Variants in SCAMP3 observed in about 807,000 individuals in gnomAD.
SCAMP3 encodes secretory carrier-associated membrane protein 3.
Under a neutral mutation model 44.1 loss-of-function variants are expected in SCAMP3, and 30 were observed. The ratio of observed to expected loss-of-function variants is 0.68; its 90% CI spans 0.51 to 0.92. SCAMP3 has a LOEUF of 0.92. Among genes scored for constraint, SCAMP3 ranks in the 40% least tolerant of loss-of-function variants. The pLI is 0.00. For missense variants in SCAMP3, 394 were observed against 440.0 expected (o/e 0.90, Z 0.93); for synonymous variants, 168 against 171.1 (o/e 0.98, Z 0.14).
rs766786403 is a variant in SCAMP3 at position 155,257,536 on chromosome 1, G to A, written c.639C>T (p.Ser213=). 86 of 1,612,156 alleles carry A rather than the reference G, an allele frequency of 5.3e-5. No individual in the cohort carries two copies. Among genetic ancestry groups the A allele is most frequent in the Non-Finnish European group, 7.0e-5 (83 of 1,179,060 alleles). Residue 213 remains serine, a synonymous_variant, in exon 6 of 9, where the codon TCC becomes TCT. Coordinates refer to ENST00000302631, the MANE Select transcript of SCAMP3 (RefSeq NM_005698.4). ...ACATGGGGCGGTACCAGCAGACAAAGGAGCAGGGAGTGAAAAGGAGGACCC... is the reference window on the plus strand; with the variant it reads ...ACATGGGGCGGTACCAGCAGACAAAAGAGCAGGGAGTGAAAAGGAGGACCC... ...ILWVLLFTPC[S]FVCWYRPMYK...
exon 1 of SCAMP3, chr1:155,262,339 GTCCAAAAGCTAAGACGAAAGTGCCCCCA>G (rs1009679932): frequency 3.6e-5 from 21 of 590,876 alleles, no homozygotes; most frequent in Middle Eastern, 4.5e-4. Context: ...CCTGCGTCTT[GTCCAAAAGCTAAGACGAAAGTGCCCCCA>G]CGTGATACCT....
rs1468494198 is a variant in SCAMP3 at position 155,260,531 on chromosome 1, C to T, written c.267+6G>A. 3 of 1,614,096 alleles carry T rather than the reference C, an allele frequency of 1.9e-6. No individual in the cohort carries two copies. Among genetic ancestry groups the T allele is most frequent in the East Asian group, 4.5e-5 (2 of 44,900 alleles). ...TCCCCAGCCCTCACCTGCACACCTCCTGTACCTGAGTGCTGTATGAGCCAT... is the reference window on the plus strand; with the variant it reads ...TCCCCAGCCCTCACCTGCACACCTCTTGTACCTGAGTGCTGTATGAGCCAT... On this transcript the variant is annotated splice_donor_region_variant and intron_variant, in intron 3 of 8. Coordinates refer to ENST00000302631, the MANE Select transcript of SCAMP3 (RefSeq NM_005698.4).
At chr1:155,261,986 A>G in intron 1 of SCAMP3, 100 bp downstream of exon 1, 1 of 1,259,404 alleles carries the variant, frequency 7.9e-7, no homozygotes, top group Admixed American at 1.9e-5. Flanking sequence ...GGCTCTTCCC[A>G]GGATCAAATG....
rs1672988738 is a variant in SCAMP3, at chr1:155,262,252, G to T, written c.-101C>A. 5.6e-6 allele frequency: 6 copies of T among 1,067,984 alleles called. No individual in the cohort carries two copies. Among genetic ancestry groups the T allele is most frequent in the African/African-American group, 1.6e-5 (1 of 63,832 alleles). 66.2% of individuals were successfully genotyped at this position (1,067,984 alleles called of 1,614,324 possible). The stretch of plus-strand genomic sequence containing the variant: ...GAGTCCACTTCACTCGCCTCAGTTC[G>T]CCCCGCTTCTCTGTGCACGGATTGG... On this transcript the variant is annotated 5_prime_UTR_variant, in exon 1 of 9. Coordinates refer to ENST00000302631, the MANE Select transcript of SCAMP3 (RefSeq NM_005698.4).
chr1:155,261,653 T>C lies in SCAMP3; in HGVS notation c.144+4A>G. 6.2e-7 allele frequency: 1 copy of C among 1,613,628 alleles called. No individual in the cohort carries two copies. The highest frequency in any genetic ancestry group is 1.1e-5 in the South Asian group (1 of 91,070). On this transcript the variant is annotated splice_donor_region_variant and intron_variant, in intron 2 of 8. Coordinates refer to ENST00000302631, the MANE Select transcript of SCAMP3 (RefSeq NM_005698.4). ...TTGAACTCCTATGCTCTCCAGTAGC[T>C]CACCTCCCGGGTCTCAAAAGGGTTG... is the stretch of plus-strand genomic sequence containing the variant.
Position 155,256,683 on chromosome 1 carries a change from C to T in SCAMP3, c.888G>A (p.Met296Ile). The T allele has an allele frequency of 1.2e-6, 2 of 1,613,980 alleles. No homozygotes were observed. Among genetic ancestry groups the T allele is most frequent in the Non-Finnish European group, 8.5e-7 (1 of 1,179,804 alleles). Residue 296 changes from methionine to isoleucine, a missense_variant, in exon 8 of 9, where the codon ATG (methionine) becomes ATA (isoleucine). Physicochemically the swap from Met to Ile is conservative, Grantham distance 10. Transcript: ENST00000302631. The stretch of plus-strand genomic sequence containing the variant: ...TCGACACAGCCCTCACCCGTTTCAG[C>T]ATGACAATTCCTAGCACAGCAATGC... ...FTGIAVLGIV[M>I]LKRIHSLYRR...
Position 155,256,204 on chromosome 1 carries a change from C to T in SCAMP3, c.*69G>A. ...CAGTTAGTGATGTCTCTCCAAGTCCCAGAGACCTTAGGGACGGGAGCTAAG... is the reference window on the plus strand; with the variant it reads ...CAGTTAGTGATGTCTCTCCAAGTCCTAGAGACCTTAGGGACGGGAGCTAAG... On this transcript the variant is annotated 3_prime_UTR_variant, in exon 9 of 9. Coordinates refer to ENST00000302631, the MANE Select transcript of SCAMP3 (RefSeq NM_005698.4). 7 of 1,460,024 alleles carry T rather than the reference C, an allele frequency of 4.8e-6. No individual in the cohort carries two copies. The highest frequency in any genetic ancestry group is 6.4e-6 in the Non-Finnish European group (7 of 1,087,218). 90.4% of individuals were successfully genotyped at this position (1,460,024 alleles called of 1,614,324 possible).
intron 5 of SCAMP3, 35 bp downstream of exon 5, chr1:155,258,791 C>A: frequency 6.3e-7 from 1 of 1,579,864 alleles, no homozygotes; most frequent in East Asian, 2.3e-5. Context: ...AGAGATCTAC[C>A]TGTAACTTCC....
In SCAMP3 at chr1:155,258,951, C is replaced by T. The variant is rs143130366; in HGVS notation, c.392G>A (p.Arg131Gln). 880 of 1,608,520 alleles carry T rather than the reference C, an allele frequency of 5.5e-4. No homozygotes were observed. Among genetic ancestry groups the T allele is most frequent in the Non-Finnish European group, 7.0e-4 (829 of 1,177,966 alleles). ...QHAALGGTAT[R>Q]QNNWPPLPSF... ...AGGTAGAGGGGGCCAATTGTTCTGTCGAGCTGTAAGGCACAAAAAAACAGG... is the reference window on the plus strand; with the variant it reads ...AGGTAGAGGGGGCCAATTGTTCTGTTGAGCTGTAAGGCACAAAAAAACAGG... The change falls in exon 5 of 9, where the codon CGA (arginine) becomes CAA (glutamine). Residue 131 changes from arginine (R) to glutamine (Q), a missense_variant. Physicochemically the swap from Arg to Gln is conservative, Grantham distance 43. Transcript: ENST00000302631.
intron 4 of SCAMP3, 34 bp from the exon 5 acceptor site, chr1:155,258,988 A>G: frequency 6.3e-7 from 1 of 1,589,380 alleles, no homozygotes; most frequent in Non-Finnish European, 8.5e-7. Flanking sequence ...GGACCCCAGA[A>G]GTAAAACAGA....
At chr1:155,258,058 G>T (rs929118990) in intron 5 of SCAMP3, among the ~76,000 whole-genome samples, 1 of 142,524 alleles carries the variant, frequency 7.0e-6, no homozygotes, top group East Asian at 2.1e-4. Flanking sequence ...TCGCTCTGTC[G>T]CCCAGGCTGG....
chr1:155,261,502 G>A, intron 2 of SCAMP3, 155 bp downstream of exon 2: 1 of 731,544 alleles, frequency 1.4e-6, no homozygotes. Flanking sequence ...CTAGAAGGAT[G>A]AGGCATCCCA....
At chr1:155,260,755 A>C in intron 2 of SCAMP3, 96 bp from the exon 3 acceptor site, 2 of 1,120,410 alleles carry the variant, frequency 1.8e-6, no homozygotes, top group South Asian at 1.6e-5. Context: ...TCATGATGTA[A>C]GGAAGCAGCC....
At chr1:155,258,662 T>C (rs1672870151) in intron 5 of SCAMP3, 164 bp downstream of exon 5, 1 of 658,408 alleles carries the variant, frequency 1.5e-6, no homozygotes. Flanking sequence ...ATTCAAAATA[T>C]ATTCCTGCAT....
At position 155,261,532 on chromosome 1, in the gene SCAMP3, A is replaced by G. The variant is rs114565853; in HGVS notation, c.144+125T>C. On this transcript the variant is annotated intron_variant, in intron 2 of 8. Transcript: ENST00000302631. ...ATCCCATGGCTGACTAGCCTCTCTC[A>G]GGGAACTAAGATCACAGTGCCTCTT... 1,313 of 872,814 alleles carry G rather than the reference A, an allele frequency of 1.5e-3. 15 individuals carry two copies. The African/African-American group carries it at 0.02, about 13-fold the overall frequency. The allele number at this position is 872,814 out of a possible 1,614,324, so 54.1% of individuals were successfully genotyped here. A position where few individuals can be genotyped will look rare whatever the true frequency, so the allele number is the denominator to read the frequency against.
At position 155,256,093 on chromosome 1, in the gene SCAMP3, G is replaced by A. The variant is rs1447202201; in HGVS notation, c.*180C>T. The A allele has an allele frequency of 9.9e-6, 5 of 505,926 alleles. No homozygotes were observed. Among genetic ancestry groups the A allele is most frequent in the African/African-American group, 9.9e-5 (5 of 50,686 alleles). 31.3% of individuals were successfully genotyped at this position (505,926 alleles called of 1,614,324 possible). A position where few individuals can be genotyped will look rare whatever the true frequency, so the allele number is the denominator to read the frequency against. ...AGGTGGCAGCAGTGTGGCCTGATGG[G>A]GGGACTAGGTCACAGTGAACTCCCC... On this transcript the variant is annotated 3_prime_UTR_variant, in exon 9 of 9. Transcript: ENST00000302631.
intron 3 of SCAMP3, 32 bp from the exon 4 acceptor site, chr1:155,260,482 C>T: frequency 6.2e-7 from 1 of 1,614,144 alleles, no homozygotes; most frequent in East Asian, 2.2e-5. Flanking sequence ...AGATGTGAGC[C>T]CTGGGCCCCA....
chr1:155,257,250 A>C, intron 7 of SCAMP3, 35 bp downstream of exon 7: 2 of 1,393,840 alleles, frequency 1.4e-6, no homozygotes, highest in South Asian at 2.3e-5. Context: ...CTGGATCTAG[A>C]GGGAAAGGTG....
At chr1:155,259,957 T>G (rs1205320647) in intron 4 of SCAMP3, among the ~76,000 whole-genome samples, 1 of 148,510 alleles carries the variant, frequency 6.7e-6, no homozygotes, top group East Asian at 2.0e-4. Context: ...AGGTTTGTGT[T>G]TTTTTTTTTT....
Sources: gnomAD v4.1 joint callset for allele counts (sites outside exome capture counted in the v4.1 genomes callset) on GRCh38, gnomAD v4.1.1 for gene constraint, MANE v1.5 for transcripts, NCBI Gene and HGNC (gene_info 2026-07-23, HGNC 2026-07-21) for gene names.